The following CUX1 variants were observed in gnomAD, a reference collection of about 807,000 sequenced individuals.
CUX1 encodes cut like homeobox 1.
CUX1 carries 31 observed loss-of-function variants against 158.8 expected under a neutral mutation model. That is an observed-to-expected ratio of 0.20 (90% CI 0.15 to 0.26). The LOEUF (loss-of-function observed/expected upper bound fraction) is 0.26, where lower values mean the gene tolerates loss of function less well. Ranked by LOEUF, CUX1 falls within the 10% of genes least tolerant of loss-of-function variation. The pLI, the probability that CUX1 is intolerant of heterozygous loss-of-function variation, is 1.00. For missense variants in CUX1, 1,589 were observed against 2,014.6 expected (o/e 0.79, Z 4.04); for synonymous variants, 879 against 862.1 (o/e 1.02, Z -0.34).
chr7:101,828,197 T>C (rs1013120450), intron 1 of CUX1, among the ~76,000 whole-genome samples: 5 of 152,012 alleles, frequency 3.3e-5, no homozygotes, highest in African/African-American at 1.2e-4. Context: ...TCAGAATTCC[T>C]GACCTCAGAT....
chr7:102,201,755 T>G lies in CUX1; in HGVS notation c.2458T>G (p.Trp820Gly). The change falls in exon 18 of 24, where the codon TGG becomes GGG. Residue 820 changes from tryptophan (W) to glycine (G), a missense_variant. Transcript: ENST00000292535. This position sits in a 1 kb window ranked among gnomAD's most constrained non-coding sequence, Gnocchi z 5.0. ...VKNEVGRSGA[W>G]KDHWWSAVQP... The stretch of plus-strand genomic sequence containing the variant: ...AAATGAGGTGGGCCGCAGCGGTGCC[T>G]GGAAGGACCACTGGTGGAGCGCGGT... The G allele has an allele frequency of 6.2e-7, 1 of 1,612,594 alleles. No individual in the cohort carries two copies. The highest frequency in any genetic ancestry group is 8.5e-7 in the Non-Finnish European group (1 of 1,179,902).
chr7:102,180,314 C>CTTTT (rs782269252), intron 11 of CUX1, among the ~76,000 whole-genome samples: 4 of 127,778 alleles, frequency 3.1e-5, no homozygotes, highest in East Asian at 2.2e-4. Context: ...GAGCCACTGC[C>CTTTT]TTTTTTTTTT....
chr7:102,230,109 G>A (rs889569745), intron 21 of CUX1, among the ~76,000 whole-genome samples: 1 of 152,178 alleles, frequency 6.6e-6, no homozygotes, highest in African/African-American at 2.4e-5. Context: ...AGTGGTTGCA[G>A]TTTGTCTGCT....
intron 11 of CUX1, 60 bp downstream of exon 11, chr7:102,178,717 C>A: frequency 6.7e-7 from 1 of 1,497,004 alleles, no homozygotes; most frequent in Non-Finnish European, 9.0e-7. Context: ...GCTGGACACA[C>A]GCGCACACAC....
chr7:101,849,085 C>T (rs1584752128), intron 1 of CUX1, among the ~76,000 whole-genome samples: 1 of 152,192 alleles, frequency 6.6e-6, no homozygotes, highest in Middle Eastern at 3.4e-3. Flanking sequence ...GTTATGTAGT[C>T]AGCCCTGTCC....
intron 3 of CUX1, among the ~76,000 whole-genome samples, chr7:102,057,426 G>A (rs1279366941): frequency 1.3e-5 from 2 of 152,140 alleles, no homozygotes; most frequent in Non-Finnish European, 2.9e-5. Flanking sequence ...ATAGATCTAG[G>A]CAAATTAAAT....
At chr7:101,991,375 C>T (rs1404141785) in intron 2 of CUX1, among the ~76,000 whole-genome samples, 1 of 152,182 alleles carries the variant, frequency 6.6e-6, no homozygotes, top group African/African-American at 2.4e-5. Flanking sequence ...CAAGTCATGT[C>T]TCTGTTTTGT....
At position 102,166,804 on chromosome 7, in the gene CUX1, C is replaced by T. The variant is rs149638649; in HGVS notation, c.724-3642C>T. Reference sequence around the variant, plus strand: ...TTGTGAGTTTTGTATTTTTTTTCGACGCCCTCAGGACAGAAATCCTGAATA... The same window carrying T: ...TTGTGAGTTTTGTATTTTTTTTCGATGCCCTCAGGACAGAAATCCTGAATA... On this transcript the variant is annotated intron_variant, in intron 9 of 23. Transcript: ENST00000292535. 1.1e-3 allele frequency among the ~76,000 whole-genome samples: 165 copies of T among 152,054 alleles called. 1 individual carries two copies. The highest frequency in any genetic ancestry group is 3.8e-3 in the African/African-American group (156 of 41,474).
intron 4 of CUX1, among the ~76,000 whole-genome samples, chr7:102,073,741 G>T (rs1826403480): frequency 6.6e-6 from 1 of 152,014 alleles, no homozygotes. Context: ...TTCATATTCT[G>T]CCTTTCTCAC....
chr7:101,958,503 C>T lies in CUX1; in HGVS notation c.141+42278C>T, dbSNP rs186930538. Among the ~76,000 whole-genome samples, 730 of 78,120 alleles carry T rather than the reference C, an allele frequency of 9.3e-3. 8 individuals are homozygous for T. The highest frequency in any genetic ancestry group is 0.034 in the African/African-American group (694 of 20,702). The allele number at this position is 78,120 out of a possible 152,430, so 51.2% of individuals were successfully genotyped here. A position where few individuals can be genotyped will look rare whatever the true frequency, so the allele number is the denominator to read the frequency against. ...TCTTTTTTTTTTTTTTTTTTTGAGG[C>T]GGAGTCTCACTCTGTTGCTCAGACT... is the stretch of plus-strand genomic sequence containing the variant. On this transcript the variant is annotated intron_variant, in intron 2 of 23. Transcript: ENST00000292535.
intron 3 of CUX1, among the ~76,000 whole-genome samples, chr7:102,039,233 G>A (rs539619893): frequency 1.6e-4 from 24 of 152,266 alleles, no homozygotes; most frequent in African/African-American, 4.3e-4. Context: ...GACTAAACCC[G>A]AGAGAGGATT....
chr7:102,212,059 G>T (rs1322327644), intron 20 of CUX1, among the ~76,000 whole-genome samples: 1 of 152,196 alleles, frequency 6.6e-6, no homozygotes, highest in Non-Finnish European at 1.5e-5. Flanking sequence ...TGACCTGCTT[G>T]TTCAGTTCCC....
At chr7:101,895,440 C>T (rs774531489) in intron 1 of CUX1, among the ~76,000 whole-genome samples, 2 of 152,060 alleles carry the variant, frequency 1.3e-5, no homozygotes, top group Non-Finnish European at 2.9e-5. Context: ...GGGGAAGAGA[C>T]TGGACTTGAA....
intron 1 of CUX1, among the ~76,000 whole-genome samples, chr7:101,892,377 T>C (rs182233214): frequency 6.6e-6 from 1 of 152,318 alleles, no homozygotes; most frequent in East Asian, 1.9e-4. Context: ...AAACAGAGTG[T>C]TTCTGGCACC....
chr7:102,048,347 C>G (rs1247811253), intron 3 of CUX1, among the ~76,000 whole-genome samples: 1 of 152,216 alleles, frequency 6.6e-6, no homozygotes, highest in Non-Finnish European at 1.5e-5. Context: ...TGGGGTCACA[C>G]ACTTGTCCAG....
intron 20 of CUX1, chr7:102,281,797 G>A: frequency 1.5e-6 from 2 of 1,347,398 alleles, no homozygotes; most frequent in South Asian, 2.3e-5. Flanking sequence ...GCAGGGGTGG[G>A]TGAGGCCGGC....
At chr7:101,858,661 CT>C (rs760652607) in intron 1 of CUX1, among the ~76,000 whole-genome samples, 2,689 of 103,242 alleles carry the variant, frequency 0.026, 30 homozygotes, top group African/African-American at 0.083. Context: ...ATGCGAATGC[CT>C]TTTTTTTTTT....
chr7:101,915,689 G>A (rs1012513676), intron 1 of CUX1, among the ~76,000 whole-genome samples: 3 of 152,182 alleles, frequency 2.0e-5, no homozygotes, highest in Non-Finnish European at 4.4e-5. Context: ...TAGATCAGCA[G>A]AAGGACTAGA....
intron 2 of CUX1, among the ~76,000 whole-genome samples, chr7:101,955,502 G>C (rs944118876): frequency 2.0e-5 from 3 of 152,214 alleles, no homozygotes; most frequent in African/African-American, 7.2e-5. Flanking sequence ...CACCAGGTCT[G>C]TCTGCTCTGA....
Sources: gnomAD v4.1 joint callset for allele counts (sites outside exome capture counted in the v4.1 genomes callset) on GRCh38, gnomAD v4.1.1 for gene constraint, Gnocchi (gnomAD v3.1) non-coding constraint, MANE v1.5 for transcripts, NCBI Gene and HGNC (gene_info 2026-07-23, HGNC 2026-07-21) for gene names.